PCDH11X: variants seen among roughly 807,000 people sequenced by gnomAD.
PCDH11X encodes the protein protocadherin 11 X-linked.
PCDH11X carries 18 observed loss-of-function variants against 53.3 expected under a neutral mutation model. The ratio of observed to expected loss-of-function variants is 0.34; its 90% CI spans 0.23 to 0.50. The LOEUF is 0.50. Among genes scored for constraint, PCDH11X ranks in the 20% least tolerant of loss-of-function variants. PCDH11X has a pLI of 0.98. For missense variants in PCDH11X, 570 were observed against 1,032.4 expected (o/e 0.55, Z 6.14); for synonymous variants, 279 against 393.3 (o/e 0.71, Z 3.44).
At chrX:91,927,403 T>A (rs1398805234) in intron 6 of PCDH11X, among the ~76,000 whole-genome samples, 1 of 109,825 alleles carries the variant, frequency 9.1e-6, no homozygotes, top group Non-Finnish European at 1.9e-5. Flanking sequence ...TTTTCATAAA[T>A]GAGAAGACTG....
chrX:91,934,322 G>C (rs961572004), intron 6 of PCDH11X, among the ~76,000 whole-genome samples: 3 of 111,215 alleles, frequency 2.7e-5, no homozygotes, highest in African/African-American at 9.8e-5. Context: ...GCTTGGGTTG[G>C]AATAGCACCC....
At chrX:92,376,529 G>A (rs1158380735) in intron 8 of PCDH11X, among the ~76,000 whole-genome samples, 8 of 111,327 alleles carry the variant, frequency 7.2e-5, no homozygotes, top group Non-Finnish European at 1.3e-4. Flanking sequence ...TTCAACAATA[G>A]GGCTAACTTA....
intron 10 of PCDH11X, among the ~76,000 whole-genome samples, chrX:92,573,145 A>G (rs1404441953): frequency 9.0e-6 from 1 of 111,247 alleles, no homozygotes; most frequent in Non-Finnish European, 1.9e-5. Flanking sequence ...GGAATGAGGA[A>G]AGTAGGGTTC....
chrX:92,330,493 A>G (rs749054343), intron 8 of PCDH11X, among the ~76,000 whole-genome samples: 1 of 110,550 alleles, frequency 9.0e-6, no homozygotes, highest in South Asian at 3.8e-4. Flanking sequence ...GTAAAATTGA[A>G]CATGTTGGAA....
At chrX:92,072,807 C>T (rs1478545779) in intron 6 of PCDH11X, among the ~76,000 whole-genome samples, 1 of 111,438 alleles carries the variant, frequency 9.0e-6, no homozygotes, top group Non-Finnish European at 1.9e-5. Context: ...GCTAGTGTCT[C>T]CTTAGGACAC....
intron 6 of PCDH11X, among the ~76,000 whole-genome samples, chrX:92,174,379 G>T (rs1280741869): frequency 1.8e-5 from 2 of 111,469 alleles, no homozygotes; most frequent in African/African-American, 3.3e-5. Context: ...TGGAACGGAG[G>T]CTACCAAAGT....
intron 7 of PCDH11X, among the ~76,000 whole-genome samples, chrX:92,249,922 T>C (rs1603231144): frequency 8.9e-6 from 1 of 111,862 alleles, no homozygotes; most frequent in African/African-American, 3.2e-5. Flanking sequence ...CCCATGATAT[T>C]GTGTCTCTTC....
intron 4 of PCDH11X, among the ~76,000 whole-genome samples, chrX:91,830,709 G>C (rs12014233): frequency 0.2 from 22,129 of 110,310 alleles, 1,857 homozygotes; most frequent in East Asian, 0.31. Context: ...CTGTTAAATG[G>C]TGTATTTTTG....
intron 7 of PCDH11X, among the ~76,000 whole-genome samples, chrX:92,219,040 C>T (rs901624673): frequency 8.1e-5 from 9 of 111,065 alleles, no homozygotes; most frequent in Admixed American, 1.9e-4. Flanking sequence ...ATTGATGGGA[C>T]GTATCTCAAA....
At chrX:92,531,913 G>T (rs1231728653) in intron 10 of PCDH11X, among the ~76,000 whole-genome samples, 1 of 111,686 alleles carries the variant, frequency 9.0e-6, no homozygotes, top group Non-Finnish European at 1.9e-5. Context: ...TAGAATTTCT[G>T]TCTTGTTACT....
intron 8 of PCDH11X, among the ~76,000 whole-genome samples, chrX:92,335,537 T>C (rs751385829): frequency 1.5e-3 from 161 of 110,016 alleles, no homozygotes; most frequent in Non-Finnish European, 2.2e-3. Flanking sequence ...TTCCAATCCA[T>C]TGTTGGACTA....
At chrX:92,592,685 C>T (rs1295739764) in intron 10 of PCDH11X, among the ~76,000 whole-genome samples, 2 of 111,879 alleles carry the variant, frequency 1.8e-5, no homozygotes, top group African/African-American at 3.2e-5. Flanking sequence ...GAGCCGAGAT[C>T]GCATCACTGC....
rs541995873 is a variant in PCDH11X at position 91,801,445 on chromosome X, C to T, written c.-378-8021C>T. On this transcript the variant is annotated intron_variant, in intron 1 of 10. Transcript: ENST00000682573. The stretch of plus-strand genomic sequence containing the variant: ...AGAAACTGTTTGAAAAACATTTGCA[C>T]GGAAGTAGTAGATTGCCTTTGATTA... Among the ~76,000 whole-genome samples the T allele has an allele frequency of 8.4e-4, 93 of 110,411 alleles. 1 individual carries two copies. In the South Asian group the frequency reaches 0.035, roughly 41 times the overall value.
intron 8 of PCDH11X, among the ~76,000 whole-genome samples, chrX:92,318,191 G>A (rs1426942250): frequency 3.6e-5 from 4 of 111,211 alleles, no homozygotes; most frequent in African/African-American, 1.3e-4. Context: ...ACACTATCTG[G>A]ATGAAAGTGT....
At chrX:91,964,253 G>A (rs774834469) in intron 6 of PCDH11X, among the ~76,000 whole-genome samples, 3 of 107,852 alleles carry the variant, frequency 2.8e-5, no homozygotes, top group South Asian at 4.1e-4. Context: ...TATGGATTCA[G>A]TGCAATTCCT....
At chrX:92,260,683 C>T (rs1159943348) in intron 7 of PCDH11X, among the ~76,000 whole-genome samples, 3 of 111,166 alleles carry the variant, frequency 2.7e-5, no homozygotes, top group Non-Finnish European at 5.7e-5. Flanking sequence ...TGCTCTGCCT[C>T]CACTCTCTCA....
intron 6 of PCDH11X, chrX:91,879,690 G>A (rs1939801647): frequency 3.8e-6 from 3 of 790,313 alleles, no homozygotes; most frequent in Non-Finnish European, 3.0e-6. Context: ...ATGATATTGA[G>A]AAGCCTAGCT....
intron 10 of PCDH11X, among the ~76,000 whole-genome samples, chrX:92,568,430 A>C (rs1467018216): frequency 9.2e-6 from 1 of 108,771 alleles, no homozygotes; most frequent in African/African-American, 3.4e-5. Context: ...TCCAAAAAAA[A>C]AAAAAATTCA....
At chrX:92,366,136 G>A (rs1174065879) in intron 8 of PCDH11X, among the ~76,000 whole-genome samples, 1 of 110,685 alleles carries the variant, frequency 9.0e-6, no homozygotes, top group African/African-American at 3.3e-5. Flanking sequence ...TTGGTTCATA[G>A]GCTATTAATT....
Sources: gnomAD v4.1 joint callset for allele counts (sites outside exome capture counted in the v4.1 genomes callset) on GRCh38, gnomAD v4.1.1 for gene constraint, MANE v1.5 for transcripts, NCBI Gene and HGNC (gene_info 2026-07-23, HGNC 2026-07-21) for gene names.